Variants in SMAP2 observed in about 807,000 individuals in gnomAD.
The protein encoded by SMAP2 is small ArfGAP2.
A neutral mutation model predicts 56.4 loss-of-function variants in SMAP2; 25 were observed. That is an observed-to-expected ratio of 0.44 (90% CI 0.32 to 0.62). SMAP2 has a LOEUF of 0.62. SMAP2 is among the 20% of genes least tolerant of loss of function. The probability of loss-of-function intolerance (pLI) is 0.04; values close to 1 mark genes in which losing one functional copy is unlikely to be tolerated. For missense variants in SMAP2, 388 were observed against 545.6 expected (o/e 0.71, Z 2.88); for synonymous variants, 157 against 181.7 (o/e 0.86, Z 1.09).
intron 1 of SMAP2, among the ~76,000 whole-genome samples, chr1:40,399,489 C>A (rs1569885879): frequency 6.8e-6 from 1 of 146,910 alleles, no homozygotes; most frequent in Admixed American, 6.8e-5. Context: ...TTCTTTCTTT[C>A]TCTTTTTTTT....
intron 1 of SMAP2, among the ~76,000 whole-genome samples, chr1:40,383,297 C>T (rs1270788987): frequency 2.6e-5 from 4 of 152,092 alleles, no homozygotes; most frequent in Admixed American, 1.3e-4. Context: ...AGTGAGAGAG[C>T]GTATTACCCT....
intron 1 of SMAP2, among the ~76,000 whole-genome samples, chr1:40,405,084 A>G (rs1053159114): frequency 6.1e-5 from 9 of 147,874 alleles, no homozygotes; most frequent in Non-Finnish European, 1.0e-4. Flanking sequence ...TAAATAAGTG[A>G]TATCTTTGTC....
chr1:40,408,778 T>C lies in SMAP2; in HGVS notation c.323+40T>C, dbSNP rs202238225. ...GCAACTTAGAAGGCTGAGTGGTATT[T>C]TGATGCTTGGGGAGAGTCAGACAAG... On this transcript the variant is annotated intron_variant, in intron 3 of 9. Coordinates refer to ENST00000372718, the MANE Select transcript of SMAP2 (RefSeq NM_022733.3). This position sits in a 1 kb window ranked among gnomAD's most constrained non-coding sequence, Gnocchi z 4.3. 56 of 1,530,498 alleles carry C rather than the reference T, an allele frequency of 3.7e-5. No individual in the cohort carries two copies. The African/African-American group carries it at 7.1e-4, about 19-fold the overall frequency. The allele number at this position is 1,530,498 out of a possible 1,614,324, so 94.8% of individuals were successfully genotyped here.
intron 1 of SMAP2, among the ~76,000 whole-genome samples, chr1:40,353,888 G>A (rs950408495): frequency 6.6e-6 from 1 of 152,044 alleles, no homozygotes; most frequent in Non-Finnish European, 1.5e-5. Context: ...ATCGTGCCTG[G>A]CCAGAATGTG....
At position 40,348,432 on chromosome 1, in the gene SMAP2, C is replaced by T. The variant is rs557429340; in HGVS notation, c.-83+3522C>T. On this transcript the variant is annotated intron_variant, in intron 1 of 6. Coordinates refer to the SMAP2 transcript ENST00000435168. The stretch of plus-strand genomic sequence containing the variant: ...ATTTTAGGCCAGGCACAGTGGCTCA[C>T]GCCTGTAATCCTAGCACTTTGGGAG... 5.3e-5 allele frequency among the ~76,000 whole-genome samples: 8 copies of T among 152,240 alleles called. No individual in the cohort carries two copies. The South Asian group carries it at 6.2e-4, about 12-fold the overall frequency.
intron 1 of SMAP2, among the ~76,000 whole-genome samples, chr1:40,356,556 A>G (rs1252286355): frequency 3.3e-5 from 5 of 151,674 alleles, no homozygotes; most frequent in African/African-American, 1.2e-4. Flanking sequence ...GACTACAGGC[A>G]CCTGCCACCA....
At chr1:40,348,865 G>A (rs1441112843) in intron 1 of SMAP2, among the ~76,000 whole-genome samples, 1 of 152,070 alleles carries the variant, frequency 6.6e-6, no homozygotes, top group Non-Finnish European at 1.5e-5. Context: ...CCGCTCCCCA[G>A]ATTCAAGCGA....
At chr1:40,403,196 A>G (rs1292555412) in intron 1 of SMAP2, among the ~76,000 whole-genome samples, 1 of 152,204 alleles carries the variant, frequency 6.6e-6, no homozygotes, top group Non-Finnish European at 1.5e-5. Flanking sequence ...ACCAGAACTC[A>G]TATTCCTTTT....
chr1:40,361,670 T>G (rs1644460584), intron 1 of SMAP2, among the ~76,000 whole-genome samples: 1 of 152,070 alleles, frequency 6.6e-6, no homozygotes, highest in African/African-American at 2.4e-5. Flanking sequence ...AGGCTTTGAA[T>G]GAACATCAGC....
intron 1 of SMAP2, among the ~76,000 whole-genome samples, chr1:40,361,272 A>G (rs1002938996): frequency 6.6e-6 from 1 of 151,858 alleles, no homozygotes; most frequent in Non-Finnish European, 1.5e-5. Flanking sequence ...TGAAGGGAAG[A>G]ACCCAGTCCT....
intron 1 of SMAP2, among the ~76,000 whole-genome samples, chr1:40,382,454 A>G (rs1186645230): frequency 6.6e-6 from 1 of 152,212 alleles, no homozygotes; most frequent in African/African-American, 2.4e-5. Flanking sequence ...TAAAACATGC[A>G]TATGCTTTAC....
At chr1:40,357,721 A>G (rs754578373) in intron 1 of SMAP2, among the ~76,000 whole-genome samples, 10 of 152,182 alleles carry the variant, frequency 6.6e-5, no homozygotes, top group African/African-American at 2.2e-4. Flanking sequence ...TCTTTGCTCA[A>G]AAAGAATTCA....
chr1:40,399,569 G>A (rs1644810057), intron 1 of SMAP2, among the ~76,000 whole-genome samples: 1 of 149,816 alleles, frequency 6.7e-6, no homozygotes, highest in Non-Finnish European at 1.5e-5. Context: ...GAGCGTGGTG[G>A]CTCATGCATC....
intron 1 of SMAP2, among the ~76,000 whole-genome samples, chr1:40,353,495 A>G (rs1265827932): frequency 6.6e-6 from 1 of 152,026 alleles, no homozygotes; most frequent in Non-Finnish European, 1.5e-5. Context: ...CAGCCTCCTG[A>G]GTAGCTGGGA....
chr1:40,418,206 T>C (rs1339223020), intron 9 of SMAP2, among the ~76,000 whole-genome samples: 1 of 152,152 alleles, frequency 6.6e-6, no homozygotes, highest in Non-Finnish European at 1.5e-5. Context: ...AATGAAAGTT[T>C]ACTAAACTCA....
chr1:40,347,245 GTTTTTGTTTTTTT>G (rs1241985013), intron 1 of SMAP2, among the ~76,000 whole-genome samples: 40 of 47,388 alleles, frequency 8.4e-4, no homozygotes, highest in East Asian at 2.5e-3. Flanking sequence ...TGTGTGTTTT[GTTTTTGTTTTTTT>G]TTTTTTTTTT....
At position 40,403,613 on chromosome 1, in the gene SMAP2, G is replaced by T. The variant is rs149444576; in HGVS notation, c.104-3123G>T. ...CTTATCAGGAAGATGGATGGGAAGT[G>T]GGTTCTGGAAACCTTATTCTATACC... On this transcript the variant is annotated intron_variant, in intron 1 of 9. Coordinates refer to ENST00000372718, the MANE Select transcript of SMAP2 (RefSeq NM_022733.3). 1.1e-5 allele frequency: 11 copies of T among 982,462 alleles called. No homozygotes were observed. The African/African-American group carries it at 1.4e-4, about 12-fold the overall frequency. The allele number at this position is 982,462 out of a possible 1,614,324, so 60.9% of individuals were successfully genotyped here.
chr1:40,347,262 T>TG (rs1268307369), intron 1 of SMAP2, among the ~76,000 whole-genome samples: 10 of 149,930 alleles, frequency 6.7e-5, no homozygotes, highest in South Asian at 2.1e-4. Flanking sequence ...TTTTTTTTTT[T>TG]TTTTTTAAAG....
intron 1 of SMAP2, among the ~76,000 whole-genome samples, chr1:40,405,380 T>C (rs1644875978): frequency 6.6e-6 from 1 of 152,078 alleles, no homozygotes; most frequent in African/African-American, 2.4e-5. Flanking sequence ...TCCCAGCTAC[T>C]CCAGAGGCTG....
Sources: allele counts gnomAD v4.1 joint callset (sites outside exome capture counted in the v4.1 genomes callset), GRCh38; gene constraint gnomAD v4.1.1; non-coding constraint Gnocchi (gnomAD v3.1); transcripts MANE v1.5; gene names NCBI Gene and HGNC (gene_info 2026-07-23, HGNC 2026-07-21).